CDCA8: variants seen among roughly 807,000 people sequenced by gnomAD.
CDCA8 encodes borealin.
A neutral mutation model predicts 40.0 loss-of-function variants in CDCA8; 25 were observed. The observed-to-expected ratio is 0.63, with a 90% CI of 0.46 to 0.87. The LOEUF (loss-of-function observed/expected upper bound fraction) is 0.87. CDCA8 is among the 40% of genes least tolerant of loss of function. CDCA8 has a pLI of 0.00. For missense variants in CDCA8, 280 were observed against 348.4 expected (o/e 0.80, Z 1.56); for synonymous variants, 111 against 126.5 (o/e 0.88, Z 0.82).
chr1:37,708,495 A>G lies in CDCA8; in HGVS notation c.*129A>G. 1 of 885,364 alleles carries G rather than the reference A, an allele frequency of 1.1e-6. No individual in the cohort carries two copies. Among genetic ancestry groups the G allele is most frequent in the African/African-American group, 1.7e-5 (1 of 60,588 alleles). 54.8% of individuals were successfully genotyped at this position (885,364 alleles called of 1,614,324 possible). Reference sequence around the variant, plus strand: ...GAGCCATGTTCCTCTAAGGGAATTCAGGAATTCAGACGTGCTAGTCCCACA... The same window carrying G: ...GAGCCATGTTCCTCTAAGGGAATTCGGGAATTCAGACGTGCTAGTCCCACA... On this transcript the variant is annotated 3_prime_UTR_variant, in exon 10 of 10. Transcript: ENST00000373055.
At chr1:37,702,797 CA>C (rs1199797620) in intron 6 of CDCA8, among the ~76,000 whole-genome samples, 2 of 151,986 alleles carry the variant, frequency 1.3e-5, no homozygotes, top group Non-Finnish European at 2.9e-5. Flanking sequence ...ACTAAAAATA[CA>C]AAAATTAGCC....
chr1:37,705,688 A>C, intron 8 of CDCA8, 121 bp downstream of exon 8: 1 of 1,151,634 alleles, frequency 8.7e-7, no homozygotes, highest in Non-Finnish European at 1.2e-6. Flanking sequence ...CCTGATCTCC[A>C]CACTTCTGCG....
chr1:37,706,255 A>G (rs575521420), intron 8 of CDCA8, among the ~76,000 whole-genome samples: 2 of 152,042 alleles, frequency 1.3e-5, no homozygotes, highest in Non-Finnish European at 2.9e-5. Context: ...CTACAGGCAC[A>G]TGCCACCACA....
Position 37,696,321 on chromosome 1 carries a change from G to C in CDCA8, c.264+371G>C, listed in dbSNP as rs1645526954. ...TAGAAGCAGTGCTTTTGCTTGGGAT[G>C]CTCAGTATTCCCCAACCCCTCTCAT... On this transcript the variant is annotated intron_variant, in intron 3 of 9. Coordinates refer to ENST00000373055, the MANE Select transcript of CDCA8 (RefSeq NM_001256875.2). This position sits in a 1 kb window ranked among gnomAD's most constrained non-coding sequence, Gnocchi z 5.0. 6.6e-6 allele frequency among the ~76,000 whole-genome samples: 1 copy of C among 152,094 alleles called. No individual in the cohort carries two copies. Among genetic ancestry groups the C allele is most frequent in the African/African-American group, 2.4e-5 (1 of 41,410 alleles).
At chr1:37,698,720 G>A (rs1299684638) in intron 3 of CDCA8, among the ~76,000 whole-genome samples, 185 bp from the exon 4 acceptor site, 1 of 151,962 alleles carries the variant, frequency 6.6e-6, no homozygotes, top group Non-Finnish European at 1.5e-5. Context: ...GCAAGTTATT[G>A]GCAATGTTTT....
intron 9 of CDCA8, among the ~76,000 whole-genome samples, chr1:37,707,391 AT>A (rs1055913447): frequency 5.9e-5 from 9 of 152,210 alleles, no homozygotes. Context: ...TAGCTCAAGA[AT>A]GAGGGTCGGG....
chr1:37,694,542 G>A (rs537111001), intron 2 of CDCA8, among the ~76,000 whole-genome samples: 106 of 152,352 alleles, frequency 7.0e-4, no homozygotes, highest in Non-Finnish European at 1.1e-3. Flanking sequence ...GTAATTAAAA[G>A]TATAGGTACT....
Position 37,700,550 on chromosome 1 carries a change from G to A in CDCA8, c.423+29G>A, listed in dbSNP as rs749562626. The A allele has an allele frequency of 6.6e-6, 9 of 1,360,206 alleles. No homozygotes were observed. In the East Asian group the frequency reaches 1.1e-4, roughly 17 times the overall value. The allele number at this position is 1,360,206 out of a possible 1,614,324, so 84.3% of individuals were successfully genotyped here. A position where few individuals can be genotyped will look rare whatever the true frequency, so the allele number is the denominator to read the frequency against. Reference sequence around the variant, plus strand: ...AGTGGACACTGAGGTTGGAGGCTGGGGGTTATCACAAGACAAGCAAATACA... The same window carrying A: ...AGTGGACACTGAGGTTGGAGGCTGGAGGTTATCACAAGACAAGCAAATACA... On this transcript the variant is annotated intron_variant, in intron 5 of 9. Transcript: ENST00000373055.
At chr1:37,697,634 A>C (rs928038097) in intron 3 of CDCA8, among the ~76,000 whole-genome samples, 2 of 152,380 alleles carry the variant, frequency 1.3e-5, no homozygotes, top group East Asian at 1.9e-4. Context: ...CCAGATGCCA[A>C]CCGAGGCCAG....
intron 2 of CDCA8, among the ~76,000 whole-genome samples, chr1:37,693,762 C>T (rs997797244): frequency 2.6e-5 from 4 of 152,162 alleles, no homozygotes; most frequent in Non-Finnish European, 1.5e-5. Flanking sequence ...GAATAAATGA[C>T]ATGGTTAGTT....
rs974598667 is a variant in CDCA8, at chr1:37,696,099, CTG to C, written c.264+151_264+152del. The C allele has an allele frequency of 9.9e-6, 7 of 706,366 alleles. No homozygotes were observed. The African/African-American group carries it at 1.3e-4, about 13-fold the overall frequency. 43.8% of individuals were successfully genotyped at this position (706,366 alleles called of 1,614,324 possible). A position where few individuals can be genotyped will look rare whatever the true frequency, so the allele number is the denominator to read the frequency against. ...TGAAAAATTAGAGTTGGACCAGACACTGTATACATGAGACCCAGATAGTTCTG... is the reference window on the plus strand; with the variant it reads ...TGAAAAATTAGAGTTGGACCAGACACTATACATGAGACCCAGATAGTTCTG... On this transcript the variant is annotated intron_variant, in intron 3 of 9. Coordinates refer to ENST00000373055, the MANE Select transcript of CDCA8 (RefSeq NM_001256875.2). The surrounding 1 kb of genome is among the most constrained non-coding windows in gnomAD (Gnocchi z 5.0).
intron 2 of CDCA8, among the ~76,000 whole-genome samples, chr1:37,695,119 G>A (rs574519222): frequency 3.3e-4 from 50 of 152,264 alleles, no homozygotes; most frequent in African/African-American, 1.1e-3. Flanking sequence ...GGGAGGCCAA[G>A]GCAGGTGGAT....
At chr1:37,700,089 G>A (rs1350878453) in intron 4 of CDCA8, among the ~76,000 whole-genome samples, 1 of 152,166 alleles carries the variant, frequency 6.6e-6, no homozygotes, top group Non-Finnish European at 1.5e-5. Flanking sequence ...TGGACTTAAT[G>A]TCACTGTCAT....
chr1:37,692,788 A>AG lies in CDCA8; in HGVS notation c.94+8dup. 6.2e-7 allele frequency: 1 copy of AG among 1,613,476 alleles called. No homozygotes were observed. The highest frequency in any genetic ancestry group is 1.1e-5 in the South Asian group (1 of 91,074). Reference sequence around the variant, plus strand: ...CTGAAAGACTTCGACCGTGAAGGTAAGGGGCCAGGCCGTCGCGGCCTCCTG... The same window carrying AG: ...CTGAAAGACTTCGACCGTGAAGGTAAGGGGGCCAGGCCGTCGCGGCCTCCTG... On this transcript the variant is annotated splice_donor_region_variant and intron_variant, in intron 1 of 9. Coordinates refer to ENST00000373055, the MANE Select transcript of CDCA8 (RefSeq NM_001256875.2).
intron 3 of CDCA8, among the ~76,000 whole-genome samples, chr1:37,697,156 A>G (rs1404949560): frequency 6.6e-6 from 1 of 152,208 alleles, no homozygotes; most frequent in Admixed American, 6.5e-5. Context: ...AACGATAGAA[A>G]ATCTATAAAA....
rs377103462 is a variant in CDCA8, at chr1:37,696,000, A to G, written c.264+50A>G. 10 of 1,522,308 alleles carry G rather than the reference A, an allele frequency of 6.6e-6. No individual in the cohort carries two copies. In the African/African-American group the frequency reaches 1.4e-4, roughly 21 times the overall value. 94.3% of individuals were successfully genotyped at this position (1,522,308 alleles called of 1,614,324 possible). The stretch of plus-strand genomic sequence containing the variant: ...GCCAGTGGTTACTTAAGTCTAGTCC[A>G]GTCCCCAGATCCAACTAATAGATGC... On this transcript the variant is annotated intron_variant, in intron 3 of 9. Transcript: ENST00000373055.
In CDCA8 at chr1:37,692,914, G is replaced by T; in HGVS notation, c.104G>T (p.Arg35Leu). 6.2e-7 allele frequency: 1 copy of T among 1,614,042 alleles called. No homozygotes were observed. The highest frequency in any genetic ancestry group is 1.1e-5 in the South Asian group (1 of 91,072). The change falls in exon 2 of 10, where the codon CGA (arginine) becomes CTA (leucine). Residue 35 changes from arginine (R) to leucine (L), a missense_variant. Coordinates refer to ENST00000373055, the MANE Select transcript of CDCA8 (RefSeq NM_001256875.2). The stretch of plus-strand genomic sequence containing the variant: ...CTCTGCCCTCCCGCAGTGGAAATAC[G>T]AATCAAGCAAATTGAGTCAGACAGG... ...LKDFDREVEI[R>L]IKQIESDRQN...
chr1:37,693,221 G>A (rs985133289), intron 2 of CDCA8, among the ~76,000 whole-genome samples, 188 bp downstream of exon 2: 1 of 150,304 alleles, frequency 6.7e-6, no homozygotes, highest in African/African-American at 2.4e-5. Flanking sequence ...AAAATGGGGG[G>A]GTGGTTGGGG....
Position 37,708,820 on chromosome 1 carries a change from T to C in CDCA8, c.*454T>C, listed in dbSNP as rs1645620406. The C allele has an allele frequency of 4.2e-6, 1 of 240,684 alleles. No homozygotes were observed. The highest frequency in any genetic ancestry group is 8.3e-6 in the Non-Finnish European group (1 of 120,150). The allele number at this position is 240,684 out of a possible 1,614,324, so 14.9% of individuals were successfully genotyped here. On this transcript the variant is annotated 3_prime_UTR_variant, in exon 10 of 10. Transcript: ENST00000373055. ...TGAGACCGGGAGGTTTAGGCTCAGA[T>C]AAGTGAGCTCTGGGCCATGAGAGGG...
Sources: allele counts gnomAD v4.1 joint callset (sites outside exome capture counted in the v4.1 genomes callset), GRCh38; gene constraint gnomAD v4.1.1; non-coding constraint Gnocchi (gnomAD v3.1); transcripts MANE v1.5; gene names NCBI Gene and HGNC (gene_info 2026-07-23, HGNC 2026-07-21).